The following OPCML variants were observed in gnomAD, a reference collection of about 807,000 sequenced individuals.
OPCML encodes the protein opioid binding protein/cell adhesion molecule like.
OPCML carries 13 observed loss-of-function variants against 37.8 expected under a neutral mutation model. The observed-to-expected ratio is 0.34, with a 90% CI of 0.22 to 0.55. OPCML has a LOEUF of 0.55. Among genes scored for constraint, OPCML ranks in the 20% least tolerant of loss-of-function variants. OPCML has a pLI of 0.91. For missense variants in OPCML, 341 were observed against 435.6 expected, an observed-to-expected ratio of 0.78 and a Z score of 1.93; for synonymous variants, 176 against 168.8, an observed-to-expected ratio of 1.04 and a Z score of -0.33.
At chr11:133,217,916 C>T (rs1223003846) in intron 1 of OPCML, among the ~76,000 whole-genome samples, 1 of 151,940 alleles carries the variant, frequency 6.6e-6, no homozygotes, top group Non-Finnish European at 1.5e-5. Context: ...TGTGGTGGTG[C>T]ATGCCTGTGG....
chr11:132,973,470 A>G (rs766803943), intron 1 of OPCML, among the ~76,000 whole-genome samples: 9 of 152,198 alleles, frequency 5.9e-5, no homozygotes, highest in Non-Finnish European at 1.3e-4. Context: ...CTTCTAAACC[A>G]GCTTGGATTT....
At chr11:132,850,516 GGTGTGT>G (rs66934308) in intron 2 of OPCML, among the ~76,000 whole-genome samples, 17,463 of 148,070 alleles carry the variant, frequency 0.12, 1,167 homozygotes, top group Non-Finnish European at 0.16. Context: ...CTGTGGAAAG[GGTGTGT>G]GTGTGTGTGT....
At chr11:132,892,845 G>C (rs751524032) in intron 2 of OPCML, among the ~76,000 whole-genome samples, 1 of 152,130 alleles carries the variant, frequency 6.6e-6, no homozygotes, top group Non-Finnish European at 1.5e-5. Flanking sequence ...ATATAACAAA[G>C]AGCAAGAAGC....
intron 1 of OPCML, among the ~76,000 whole-genome samples, chr11:133,528,334 G>A (rs573000624): frequency 4.6e-5 from 7 of 152,230 alleles, no homozygotes; most frequent in African/African-American, 7.2e-5. Context: ...ACATGATGGC[G>A]TGAATCCATG....
intron 2 of OPCML, among the ~76,000 whole-genome samples, chr11:132,911,448 G>A (rs990316131): frequency 1.3e-5 from 2 of 152,202 alleles, no homozygotes; most frequent in African/African-American, 4.8e-5. Flanking sequence ...AGAATGCCCT[G>A]GCTTTTCACA....
chr11:133,152,911 C>CT (rs1555104914), intron 1 of OPCML, among the ~76,000 whole-genome samples: 2 of 149,500 alleles, frequency 1.3e-5, no homozygotes, highest in Non-Finnish European at 3.0e-5. Flanking sequence ...CTAATTTAAT[C>CT]TTTTTCCCCT....
intron 3 of OPCML, among the ~76,000 whole-genome samples, chr11:132,607,671 C>A (rs1443862740): frequency 6.6e-6 from 1 of 152,194 alleles, no homozygotes; most frequent in Non-Finnish European, 1.5e-5. Context: ...AGCTTCAGCT[C>A]GGTGAGTTCA....
chr11:132,522,440 C>T (rs1190162480), intron 4 of OPCML, among the ~76,000 whole-genome samples: 2 of 152,300 alleles, frequency 1.3e-5, no homozygotes, highest in African/African-American at 4.8e-5. Flanking sequence ...CAAAACAGGG[C>T]TGGGCATGCA....
At chr11:133,203,975 A>G (rs1420816208) in intron 1 of OPCML, among the ~76,000 whole-genome samples, 2 of 144,930 alleles carry the variant, frequency 1.4e-5, no homozygotes, top group Non-Finnish European at 3.0e-5. Context: ...GGAGAATGGC[A>G]TGAACCTGGG....
chr11:133,045,746 T>C (rs561216503), intron 1 of OPCML, among the ~76,000 whole-genome samples: 3 of 152,334 alleles, frequency 2.0e-5, no homozygotes, highest in African/African-American at 7.2e-5. Flanking sequence ...TAGAGACATT[T>C]ACTCAGGACT....
intron 2 of OPCML, among the ~76,000 whole-genome samples, chr11:132,701,764 G>T (rs542438373): frequency 0.086 from 908 of 10,556 alleles, 8 homozygotes; most frequent in African/African-American, 0.3. Flanking sequence ...TTTGATGATT[G>T]TGTGTGTGTG....
intron 2 of OPCML, among the ~76,000 whole-genome samples, chr11:132,712,571 TG>T (rs1944311103): frequency 6.6e-6 from 1 of 152,152 alleles, no homozygotes; most frequent in African/African-American, 2.4e-5. Context: ...CCCAAGAACA[TG>T]GGATTAAGAA....
chr11:133,463,446 G>A (rs1946905348), intron 1 of OPCML, among the ~76,000 whole-genome samples: 1 of 152,040 alleles, frequency 6.6e-6, no homozygotes, highest in African/African-American at 2.4e-5. Flanking sequence ...ATTTTAAAAA[G>A]ACAATAACAA....
intron 4 of OPCML, among the ~76,000 whole-genome samples, chr11:132,488,726 A>AT (rs760592471): frequency 2.6e-5 from 4 of 152,158 alleles, no homozygotes; most frequent in African/African-American, 7.2e-5. Flanking sequence ...TACCAACATA[A>AT]TTTTTTTAAC....
At chr11:133,015,407 G>GGAAGGAAGGAAGGAAGGAAGGAAGGAAT (rs1565398775) in intron 1 of OPCML, among the ~76,000 whole-genome samples, 10 of 107,092 alleles carry the variant, frequency 9.3e-5, no homozygotes, top group South Asian at 3.8e-4. Context: ...AAGGAAGGAA[G>GGAAGGAAGGAAGGAAGGAAGGAAGGAAT]GAAGGAAGGA....
chr11:132,662,412 C>CAAAAAAAAAAAA (rs57243826), intron 2 of OPCML, among the ~76,000 whole-genome samples: 1 of 119,958 alleles, frequency 8.3e-6, no homozygotes, highest in African/African-American at 2.9e-5. Context: ...TTTGAAAATG[C>CAAAAAAAAAAAA]AAAAAAAAAA....
chr11:132,965,326 T>C (rs537169832), intron 1 of OPCML, among the ~76,000 whole-genome samples: 1 of 152,286 alleles, frequency 6.6e-6, no homozygotes, highest in African/African-American at 2.4e-5. Context: ...TTGATAGAAA[T>C]CACCAGTGAA....
chr11:132,823,981 C>G (rs1027289615), intron 2 of OPCML, among the ~76,000 whole-genome samples: 1 of 152,208 alleles, frequency 6.6e-6, no homozygotes, highest in East Asian at 1.9e-4. Context: ...TCCCTTCCTG[C>G]TGGACACCTG....
intron 2 of OPCML, among the ~76,000 whole-genome samples, chr11:132,744,012 C>T (rs1338804091): frequency 2.0e-5 from 3 of 152,214 alleles, no homozygotes; most frequent in Admixed American, 2.0e-4. Flanking sequence ...CTCTAATCAT[C>T]TCATGCTAAG....
Sources: allele counts gnomAD v4.1 joint callset (sites outside exome capture counted in the v4.1 genomes callset), GRCh38; gene constraint gnomAD v4.1.1; transcripts MANE v1.5; gene names NCBI Gene and HGNC (gene_info 2026-07-23, HGNC 2026-07-21).